RFX2: variants seen among roughly 807,000 people sequenced by gnomAD.
The protein encoded by RFX2 is DNA-binding protein RFX2.
RFX2 carries 20 observed loss-of-function variants against 87.8 expected under a neutral mutation model. The ratio of observed to expected loss-of-function variants is 0.23; its 90% CI spans 0.16 to 0.33. The LOEUF (loss-of-function observed/expected upper bound fraction) is 0.33, where lower values mean the gene tolerates loss of function less well. Ranked by LOEUF, RFX2 falls within the 10% of genes least tolerant of loss-of-function variation. The pLI is 1.00. For synonymous variants in RFX2, 397 were observed against 431.3 expected (o/e 0.92, Z 0.98); for missense variants, 767 against 1,012.3 (o/e 0.76, Z 3.29).
chr19:6,073,546 T>C lies in RFX2; in HGVS notation c.-8-26042A>G. 7.5e-6 allele frequency: 4 copies of C among 535,434 alleles called. 1 individual carries two copies. Among genetic ancestry groups the C allele is most frequent in the Non-Finnish European group, 5.9e-6 (2 of 338,656 alleles). The allele number at this position is 535,434 out of a possible 1,614,324, so 33.2% of individuals were successfully genotyped here. Reference sequence around the variant, plus strand: ...AAAATGAGTAGACGGCTCATGTGCATGTTTTGTGTTTAAATAAAACCATAA... The same window carrying C: ...AAAATGAGTAGACGGCTCATGTGCACGTTTTGTGTTTAAATAAAACCATAA... On this transcript the variant is annotated intron_variant, in intron 1 of 17. Coordinates refer to ENST00000303657, the MANE Select transcript of RFX2 (RefSeq NM_000635.4).
chr19:6,007,296 C>G lies in RFX2; in HGVS notation c.1248-130G>C. 1.1e-6 allele frequency: 1 copy of G among 912,650 alleles called. No homozygotes were observed. The highest frequency in any genetic ancestry group is 1.6e-6 in the Non-Finnish European group (1 of 608,896). 56.5% of individuals were successfully genotyped at this position (912,650 alleles called of 1,614,324 possible). ...GGGGCTGGGGTTTTGCTCCCCATCC[C>G]TGAGCCTCGATGGGTCCCCTCCCTC... On this transcript the variant is annotated intron_variant, in intron 11 of 17. Coordinates refer to ENST00000303657, the MANE Select transcript of RFX2 (RefSeq NM_000635.4). The surrounding 1 kb of genome is among the most constrained non-coding windows in gnomAD (Gnocchi z 8.2).
Position 5,997,294 on chromosome 19 carries a change from A to C in RFX2, c.1860-81T>G. On this transcript the variant is annotated intron_variant, in intron 15 of 17. Coordinates refer to ENST00000303657, the MANE Select transcript of RFX2 (RefSeq NM_000635.4). This position sits in a 1 kb window ranked among gnomAD's most constrained non-coding sequence, Gnocchi z 4.2. ...CCAGGCCAGACTTCATGGCAGCAAC[A>C]CACCCCCTGCTCTACGTTCCCTGGG... The C allele has an allele frequency of 1.4e-6, 2 of 1,410,692 alleles. No individual in the cohort carries two copies. The highest frequency in any genetic ancestry group is 2.5e-5 in the East Asian group (1 of 39,822). The allele number at this position is 1,410,692 out of a possible 1,614,324, so 87.4% of individuals were successfully genotyped here.
chr19:6,046,537 C>T (rs1052250859), intron 2 of RFX2, among the ~76,000 whole-genome samples: 18 of 143,204 alleles, frequency 1.3e-4, no homozygotes, highest in African/African-American at 4.1e-4. Context: ...CCAGCCTGGG[C>T]GACAGAGCGA....
Position 6,026,297 on chromosome 19 carries a change from C to T in RFX2, c.523-60G>A. The T allele has an allele frequency of 1.5e-6, 2 of 1,347,206 alleles. No homozygotes were observed. The highest frequency in any genetic ancestry group is 2.1e-6 in the Non-Finnish European group (2 of 950,948). The allele number at this position is 1,347,206 out of a possible 1,614,324, so 83.5% of individuals were successfully genotyped here. A position where few individuals can be genotyped will look rare whatever the true frequency, so the allele number is the denominator to read the frequency against. On this transcript the variant is annotated intron_variant, in intron 5 of 17. Coordinates refer to ENST00000303657, the MANE Select transcript of RFX2 (RefSeq NM_000635.4). This position sits in a 1 kb window ranked among gnomAD's most constrained non-coding sequence, Gnocchi z 4.5. ...AAATGGAAAAAAAAAAAAAGGAAAT[C>T]AGATGGTTAGCATCAGCCAAGATTT...
rs939854210 is a variant in RFX2 at position 6,047,683 on chromosome 19, C to A, written c.-8-179G>T. Among the ~76,000 whole-genome samples the A allele has an allele frequency of 3.3e-5, 5 of 152,210 alleles. No individual in the cohort carries two copies. Among genetic ancestry groups the A allele is most frequent in the Non-Finnish European group, 7.3e-5 (5 of 68,030 alleles). ...CTGCGGAAACAGGCTGCACAACTGT[C>A]CCACAGAAGGAGAGAGGGGCCAGAG... is the stretch of plus-strand genomic sequence containing the variant. On this transcript the variant is annotated intron_variant, in intron 1 of 17. Coordinates refer to ENST00000303657, the MANE Select transcript of RFX2 (RefSeq NM_000635.4). This position sits in a 1 kb window ranked among gnomAD's most constrained non-coding sequence, Gnocchi z 4.2.
intron 1 of RFX2, among the ~76,000 whole-genome samples, chr19:6,077,877 G>C (rs1341862327): frequency 6.6e-6 from 1 of 151,834 alleles, no homozygotes; most frequent in African/African-American, 2.4e-5. Flanking sequence ...CTACTTGGGA[G>C]GCTGAGGCAG....
chr19:6,041,315 C>T (rs2087102563), intron 4 of RFX2, among the ~76,000 whole-genome samples: 1 of 152,164 alleles, frequency 6.6e-6, no homozygotes, highest in Admixed American at 6.5e-5. Context: ...TTCTCATGTA[C>T]AGCCCCTGCA....
At position 6,040,133 on chromosome 19, in the gene RFX2, G is replaced by A. The variant is rs751599890; in HGVS notation, c.369C>T (p.Ser123=). 7.5e-6 allele frequency: 12 copies of A among 1,609,158 alleles called. No homozygotes were observed. Among genetic ancestry groups the A allele is most frequent in the Admixed American group, 3.3e-5 (2 of 59,930 alleles). ...GGAQVTVAAS[S]PPAVPSHSMV... ...TGCTGTGGGAGGGGACCGCTGGCGGGGACGAGGCTGCCACGGTCACCTGGG... is the reference window on the plus strand; with the variant it reads ...TGCTGTGGGAGGGGACCGCTGGCGGAGACGAGGCTGCCACGGTCACCTGGG... Residue 123 remains serine, a synonymous_variant, in exon 5 of 18, where the codon TCC becomes TCT. Coordinates refer to ENST00000303657, the MANE Select transcript of RFX2 (RefSeq NM_000635.4). The surrounding 1 kb of genome is among the most constrained non-coding windows in gnomAD (Gnocchi z 6.1).
intron 1 of RFX2, among the ~76,000 whole-genome samples, chr19:6,088,211 C>CTTTTTTT (rs1030226963): frequency 3.6e-5 from 3 of 84,390 alleles, no homozygotes; most frequent in Non-Finnish European, 6.8e-5. Context: ...GGCACTACAG[C>CTTTTTTT]TTTTTTTTTT....
In RFX2 at chr19:6,032,379, C is replaced by T. The variant is rs78741951; in HGVS notation, c.523-6142G>A. Among the ~76,000 whole-genome samples the T allele has an allele frequency of 4.5e-3, 683 of 152,312 alleles. 8 individuals are homozygous for T. The East Asian group carries it at 0.071, about 16-fold the overall frequency. On this transcript the variant is annotated intron_variant, in intron 5 of 17. Coordinates refer to ENST00000303657, the MANE Select transcript of RFX2 (RefSeq NM_000635.4). ...TCTCCTGACCTTGTGATCCACCTGC[C>T]TTTGCCTCCCAAAGTGCTGGGATTA...
intron 5 of RFX2, among the ~76,000 whole-genome samples, chr19:6,033,680 T>TG (rs2086980840): frequency 6.7e-6 from 1 of 148,244 alleles, no homozygotes; most frequent in African/African-American, 2.5e-5. Context: ...ATCACACACT[T>TG]GCCAGAACCC....
In RFX2 at chr19:6,008,194, G is replaced by A. The variant is rs766424583; in HGVS notation, c.1046C>T (p.Ala349Val). The A allele has an allele frequency of 1.3e-5, 21 of 1,561,952 alleles. No individual in the cohort carries two copies. Among genetic ancestry groups the A allele is most frequent in the Middle Eastern group, 1.7e-4 (1 of 5,950 alleles). Residue 349 changes from alanine (A) to valine (V), a missense_variant, in exon 10 of 18, where the codon GCG (alanine) becomes GTG (valine). Physicochemically the swap from Ala to Val is moderately conservative, Grantham distance 64. Transcript: ENST00000303657. ...CAGCAGGAAGCTGCCCAGGTCGGGC[G>A]CTGGGAACTCGGGGAAGACGTGGGA... ...DVSHVFPEFP[A>V]PDLGSFLLQD...
At chr19:6,093,569 T>G (rs1047401362) in intron 1 of RFX2, among the ~76,000 whole-genome samples, 4 of 151,870 alleles carry the variant, frequency 2.6e-5, no homozygotes. Context: ...AAAGGCTAAG[T>G]AAGTACTTAG....
chr19:6,042,936 G>A (rs1277461214), intron 3 of RFX2, among the ~76,000 whole-genome samples: 1 of 152,254 alleles, frequency 6.6e-6, no homozygotes, highest in Non-Finnish European at 1.5e-5. Context: ...GGCCACAGAA[G>A]TGGGCTTGTT....
In RFX2 at chr19:5,994,762, C is replaced by T; in HGVS notation, c.*73G>A. 1 of 959,486 alleles carries T rather than the reference C, an allele frequency of 1.0e-6. No individual in the cohort carries two copies. The highest frequency in any genetic ancestry group is 1.6e-6 in the Non-Finnish European group (1 of 617,200). 59.4% of individuals were successfully genotyped at this position (959,486 alleles called of 1,614,324 possible). On this transcript the variant is annotated 3_prime_UTR_variant, in exon 18 of 18. Coordinates refer to ENST00000303657, the MANE Select transcript of RFX2 (RefSeq NM_000635.4). ...TCTAAGAGGCACTAATTTGGTGGAGCCGGTGAAATCCAGGTTCCCAGAGTG... is the reference window on the plus strand; with the variant it reads ...TCTAAGAGGCACTAATTTGGTGGAGTCGGTGAAATCCAGGTTCCCAGAGTG...
chr19:6,081,510 A>C (rs2087785409), intron 1 of RFX2, among the ~76,000 whole-genome samples: 1 of 152,260 alleles, frequency 6.6e-6, no homozygotes, highest in Non-Finnish European at 1.5e-5. Flanking sequence ...TTTTTAATGC[A>C]GGTAATTATA....
intron 1 of RFX2, among the ~76,000 whole-genome samples, chr19:6,091,863 G>A (rs2087940726): frequency 6.6e-6 from 1 of 152,182 alleles, no homozygotes; most frequent in Non-Finnish European, 1.5e-5. Context: ...AATGAACTGC[G>A]GGAGGTAGGC....
At chr19:6,076,882 T>C (rs2087700172) in intron 1 of RFX2, 1 of 152,404 alleles carries the variant, frequency 6.6e-6, no homozygotes, top group South Asian at 2.1e-4. Flanking sequence ...GTTTGTCATT[T>C]TAACCAAGTA....
At chr19:6,014,145 C>T (rs937254569) in intron 7 of RFX2, among the ~76,000 whole-genome samples, 23 of 152,176 alleles carry the variant, frequency 1.5e-4, no homozygotes. Flanking sequence ...GCTGTGGAGA[C>T]ACCCAGCTCA....
Sources: gnomAD v4.1 joint callset for allele counts (sites outside exome capture counted in the v4.1 genomes callset) on GRCh38, gnomAD v4.1.1 for gene constraint, Gnocchi (gnomAD v3.1) non-coding constraint, MANE v1.5 for transcripts, NCBI Gene and HGNC (gene_info 2026-07-23, HGNC 2026-07-21) for gene names.